DCC: variants seen among roughly 807,000 people sequenced by gnomAD.
DCC encodes DCC netrin 1 receptor.
Under a neutral mutation model 172.5 loss-of-function variants are expected in DCC, and 58 were observed. That is an observed-to-expected ratio of 0.34 (90% CI 0.27 to 0.42). The LOEUF (loss-of-function observed/expected upper bound fraction) is 0.42. Ranked by LOEUF, DCC falls within the 10% of genes least tolerant of loss-of-function variation. The probability of loss-of-function intolerance (pLI) is 1.00; values close to 1 mark genes in which losing one functional copy is unlikely to be tolerated. For synonymous variants in DCC, 709 were observed against 644.5 expected, an observed-to-expected ratio of 1.10 and a Z score of -1.52; for missense variants, 1,740 against 1,791.0, an observed-to-expected ratio of 0.97 and a Z score of 0.51.
chr18:52,531,987 A>G (rs1342998148), intron 1 of DCC, among the ~76,000 whole-genome samples: 1 of 152,236 alleles, frequency 6.6e-6, no homozygotes, highest in African/African-American at 2.4e-5. Flanking sequence ...TCTCATTTCC[A>G]TAACCACCTC....
At chr18:53,295,331 G>A (rs1362767549) in intron 12 of DCC, among the ~76,000 whole-genome samples, 1 of 151,870 alleles carries the variant, frequency 6.6e-6, no homozygotes, top group African/African-American at 2.4e-5. Flanking sequence ...AAAAAATATG[G>A]GCCTTTATTA....
intron 1 of DCC, among the ~76,000 whole-genome samples, chr18:52,400,079 G>C (rs1328342145): frequency 2.0e-5 from 3 of 151,926 alleles, no homozygotes; most frequent in Non-Finnish European, 4.4e-5. Context: ...AAATATGTTT[G>C]AAAGTAGCAT....
intron 1 of DCC, among the ~76,000 whole-genome samples, chr18:52,580,982 C>G (rs187951545): frequency 6.6e-6 from 1 of 152,152 alleles, no homozygotes; most frequent in African/African-American, 2.4e-5. Flanking sequence ...GTGTTCAGTT[C>G]TGAAGCTGTT....
At chr18:53,007,013 A>G (rs541120500) in intron 5 of DCC, among the ~76,000 whole-genome samples, 14 of 152,364 alleles carry the variant, frequency 9.2e-5, no homozygotes, top group Middle Eastern at 3.4e-3. Context: ...GATTTGAAGT[A>G]GATGGCGAAC....
chr18:52,993,182 A>G (rs1289616697), intron 5 of DCC, among the ~76,000 whole-genome samples: 4 of 152,136 alleles, frequency 2.6e-5, no homozygotes, highest in Non-Finnish European at 4.4e-5. Flanking sequence ...ATCTATTGAG[A>G]CCCACAAAAC....
At chr18:53,280,790 C>T (rs1443707889) in intron 12 of DCC, among the ~76,000 whole-genome samples, 1 of 151,734 alleles carries the variant, frequency 6.6e-6, no homozygotes, top group Non-Finnish European at 1.5e-5. Context: ...ACTTAAAACC[C>T]GAAAAGGTTG....
intron 5 of DCC, among the ~76,000 whole-genome samples, chr18:53,033,169 A>G (rs1043876475): frequency 2.0e-5 from 3 of 152,112 alleles, no homozygotes; most frequent in East Asian, 3.9e-4. Context: ...GTTGGAGTGT[A>G]ATGAAGGAAC....
At chr18:53,066,522 C>A (rs2042573350) in intron 7 of DCC, among the ~76,000 whole-genome samples, 1 of 150,094 alleles carries the variant, frequency 6.7e-6, no homozygotes, top group Admixed American at 6.7e-5. Flanking sequence ...TTATTACCTT[C>A]TCCCTCTTTT....
At chr18:53,302,078 G>A (rs2057148235) in intron 12 of DCC, among the ~76,000 whole-genome samples, 1 of 152,070 alleles carries the variant, frequency 6.6e-6, no homozygotes, top group Non-Finnish European at 1.5e-5. Flanking sequence ...TTTTCTCTGT[G>A]CATATCTGTG....
intron 2 of DCC, among the ~76,000 whole-genome samples, chr18:52,790,331 A>G (rs1419713805): frequency 6.6e-6 from 1 of 152,196 alleles, no homozygotes; most frequent in African/African-American, 2.4e-5. Context: ...CAGATTTGCT[A>G]CAGCTTAAGA....
chr18:53,238,053 C>G (rs1210660208), intron 12 of DCC, among the ~76,000 whole-genome samples: 1 of 152,148 alleles, frequency 6.6e-6, no homozygotes, highest in Non-Finnish European at 1.5e-5. Context: ...TTGACCTTCA[C>G]AGGATAAACT....
At chr18:52,899,367 T>TG (rs1490749416) in intron 2 of DCC, among the ~76,000 whole-genome samples, 2 of 91,940 alleles carry the variant, frequency 2.2e-5, no homozygotes, top group African/African-American at 7.5e-5. Flanking sequence ...TTTTTTTTTT[T>TG]TTTGAGACAG....
intron 12 of DCC, among the ~76,000 whole-genome samples, chr18:53,270,042 A>C (rs1214042041): frequency 1.3e-5 from 2 of 152,132 alleles, no homozygotes; most frequent in Admixed American, 1.3e-4. Context: ...AGGCTGCTCC[A>C]TTGGGCTGTT....
intron 1 of DCC, among the ~76,000 whole-genome samples, chr18:52,449,151 C>T (rs1286970599): frequency 1.3e-5 from 2 of 152,152 alleles, no homozygotes; most frequent in Non-Finnish European, 2.9e-5. Flanking sequence ...CATTATAAAA[C>T]CATCAGATCT....
intron 7 of DCC, among the ~76,000 whole-genome samples, chr18:53,098,712 A>G (rs561270903): frequency 6.6e-6 from 1 of 152,250 alleles, no homozygotes; most frequent in South Asian, 2.1e-4. Flanking sequence ...GCCCCCCTTT[A>G]TAATTTGTTT....
At chr18:52,346,730 C>G (rs1025299050) in intron 1 of DCC, among the ~76,000 whole-genome samples, 1 of 152,088 alleles carries the variant, frequency 6.6e-6, no homozygotes, top group Non-Finnish European at 1.5e-5. Context: ...AGGAAACACA[C>G]AAATCATTCC....
In DCC at chr18:53,533,445, A is replaced by G. The variant is rs2046543304; in HGVS notation, c.*2792A>G. 6.6e-6 allele frequency: 1 copy of G among 152,150 alleles called. No individual in the cohort carries two copies. The highest frequency in any genetic ancestry group is 2.4e-5 in the African/African-American group (1 of 41,438). 9.4% of individuals were successfully genotyped at this position (152,150 alleles called of 1,614,324 possible). A position where few individuals can be genotyped will look rare whatever the true frequency, so the allele number is the denominator to read the frequency against. On this transcript the variant is annotated 3_prime_UTR_variant, in exon 29 of 29. Coordinates refer to ENST00000442544, the MANE Select transcript of DCC (RefSeq NM_005215.4). ...AGAGCATTCTCTGGTCTGCCCTGTA[A>G]TGTGCTTAAATGTCAGGCAACATCC...
At chr18:53,184,688 G>A (rs189378712) in intron 9 of DCC, among the ~76,000 whole-genome samples, 6 of 152,212 alleles carry the variant, frequency 3.9e-5, no homozygotes, top group African/African-American at 1.4e-4. Flanking sequence ...GTCACTAGGC[G>A]ATAGAAATTT....
chr18:53,049,277 T>C (rs2042301732), intron 5 of DCC, among the ~76,000 whole-genome samples: 1 of 152,150 alleles, frequency 6.6e-6, no homozygotes, highest in African/African-American at 2.4e-5. Flanking sequence ...TTTAGAATGG[T>C]ATTTCCTAGC....
Sources: gnomAD v4.1 joint callset for allele counts (sites outside exome capture counted in the v4.1 genomes callset) on GRCh38, gnomAD v4.1.1 for gene constraint, MANE v1.5 for transcripts, NCBI Gene and HGNC (gene_info 2026-07-23, HGNC 2026-07-21) for gene names.